The following RCBTB2 variants were observed in gnomAD, a reference collection of about 807,000 sequenced individuals.
RCBTB2 encodes the protein RCC1 and BTB domain-containing protein 2.
A neutral mutation model predicts 65.4 loss-of-function variants in RCBTB2; 55 were observed. That is an observed-to-expected ratio of 0.84 (90% CI 0.68 to 1.05). The LOEUF is 1.05. Ranked by LOEUF, RCBTB2 falls within the 50% of genes least tolerant of loss-of-function variation. The pLI, the probability that RCBTB2 is intolerant of heterozygous loss-of-function variation, is 0.00. For missense variants in RCBTB2, 599 were observed against 680.1 expected (o/e 0.88, Z 1.33); for synonymous variants, 220 against 255.2 (o/e 0.86, Z 1.31).
intron 10 of RCBTB2, among the ~76,000 whole-genome samples, chr13:48,503,516 G>A (rs532848214): frequency 4.6e-5 from 7 of 151,818 alleles, no homozygotes; most frequent in Non-Finnish European, 7.4e-5. Flanking sequence ...CTAAGTTCAC[G>A]ATTGATGAGG....
At chr13:48,532,519 G>A (rs1231965548) in intron 1 of RCBTB2, 1 of 159,868 alleles carries the variant, frequency 6.3e-6, no homozygotes, top group African/African-American at 2.4e-5. Flanking sequence ...TGCAGCGAGT[G>A]GGTTAGGAGG....
intron 10 of RCBTB2, among the ~76,000 whole-genome samples, chr13:48,506,120 C>T (rs1013136276): frequency 5.9e-5 from 9 of 152,118 alleles, no homozygotes; most frequent in Non-Finnish European, 1.3e-4. Flanking sequence ...TGGCCAGAGC[C>T]GTGGAATAAG....
intron 7 of RCBTB2, 127 bp downstream of exon 7, chr13:48,512,602 C>T: frequency 1.2e-6 from 1 of 812,284 alleles, no homozygotes; most frequent in Non-Finnish European, 1.9e-6. Context: ...TGAATTGCTA[C>T]CAAAAATAAG....
In RCBTB2 at chr13:48,515,648, G is replaced by T. The variant is rs144657295; in HGVS notation, c.136C>A (p.Arg46Ser). 1.1e-5 allele frequency: 18 copies of T among 1,613,836 alleles called. No homozygotes were observed. The East Asian group carries it at 4.0e-4, about 36-fold the overall frequency. The change falls in exon 5 of 15, where the codon CGT becomes AGT. Residue 46 changes from arginine to serine, a missense_variant. Coordinates refer to ENST00000344532, the MANE Select transcript of RCBTB2 (RefSeq NM_001268.4). ...GCACTGCCAAAGACACAAGCCTGAC[G>T]AATTAACTGTAGTTCTTCTTCAGAA... ...LCSEEELQLI[R>S]QACVFGSAGN...
intron 10 of RCBTB2, 83 bp from the exon 11 acceptor site, chr13:48,502,997 T>A: frequency 7.4e-7 from 1 of 1,357,266 alleles, no homozygotes; most frequent in South Asian, 1.6e-5. Context: ...GTTTAACTGA[T>A]GTGGGACATC....
At chr13:48,498,391 A>G (rs1203949414) in intron 13 of RCBTB2, among the ~76,000 whole-genome samples, 2 of 152,170 alleles carry the variant, frequency 1.3e-5, no homozygotes, top group Admixed American at 6.5e-5. Context: ...CTCCATTTGG[A>G]GTCTTGGCTA....
rs980881414 is a variant in RCBTB2, at chr13:48,521,832, G to A, written c.42+66C>T. 24 of 1,458,644 alleles carry A rather than the reference G, an allele frequency of 1.6e-5. No individual in the cohort carries two copies. The Admixed American group carries it at 3.9e-4, about 24-fold the overall frequency. The allele number at this position is 1,458,644 out of a possible 1,614,324, so 90.4% of individuals were successfully genotyped here. A position where few individuals can be genotyped will look rare whatever the true frequency, so the allele number is the denominator to read the frequency against. On this transcript the variant is annotated intron_variant, in intron 4 of 14. Coordinates refer to ENST00000344532, the MANE Select transcript of RCBTB2 (RefSeq NM_001268.4). ...TGATTTTCCTATCGGTGACCAATAG[G>A]TGCTTCATGAAGTATGTTTCATGCA...
At chr13:48,502,683 G>A in intron 11 of RCBTB2, 41 bp downstream of exon 11, 1 of 1,560,356 alleles carries the variant, frequency 6.4e-7, no homozygotes, top group Admixed American at 1.8e-5. Flanking sequence ...CTCTTTCCCA[G>A]ATTTTCAGGC....
intron 1 of RCBTB2, among the ~76,000 whole-genome samples, chr13:48,527,361 T>TATATATGATATA: frequency 2.7e-5 from 3 of 112,444 alleles, no homozygotes; most frequent in African/African-American, 1.7e-4. Flanking sequence ...TGATATATAT[T>TATATATGATATA]TATATATGAT....
intron 10 of RCBTB2, among the ~76,000 whole-genome samples, chr13:48,506,516 T>C (rs1950511147): frequency 6.6e-6 from 1 of 151,954 alleles, no homozygotes; most frequent in African/African-American, 2.4e-5. Flanking sequence ...TGGATGTTAA[T>C]GCAGAGGGAG....
intron 4 of RCBTB2, among the ~76,000 whole-genome samples, chr13:48,521,553 T>A (rs148597426): frequency 6.6e-6 from 1 of 152,332 alleles, no homozygotes; most frequent in East Asian, 1.9e-4. Flanking sequence ...AGACAGTTTA[T>A]AATTTTAAAA....
intron 4 of RCBTB2, among the ~76,000 whole-genome samples, chr13:48,518,192 G>A (rs772535128): frequency 1.2e-4 from 19 of 152,064 alleles, no homozygotes; most frequent in Non-Finnish European, 2.4e-4. Context: ...TGTTACAGCA[G>A]CACAAAGAAA....
At chr13:48,510,891 G>A (rs910795211) in intron 9 of RCBTB2, 120 bp from the exon 10 acceptor site, 58 of 989,212 alleles carry the variant, frequency 5.9e-5, no homozygotes, top group African/African-American at 9.8e-5. Context: ...CCGTAGGAGA[G>A]GCAAGCATTA....
At chr13:48,535,768 C>G (rs1358392828), upstream of RCBTB2, 2 of 456,694 alleles carry the variant, frequency 4.4e-6, no homozygotes, top group Admixed American at 4.7e-5. Flanking sequence ...CAGGTGGCCC[C>G]TGTCTCTTGG....
intron 1 of RCBTB2, among the ~76,000 whole-genome samples, chr13:48,526,606 G>A (rs546962144): frequency 2.0e-5 from 3 of 152,200 alleles, no homozygotes; most frequent in Admixed American, 2.0e-4. Context: ...AACAGAGCAA[G>A]ACTCTGTCTC....
chr13:48,489,957 A>G lies in RCBTB2; in HGVS notation c.*154T>C, dbSNP rs1249672724. ...TTCTACATAAACTCTGGGTTTAGGC[A>G]GACAAAGACCACTCACCACCATCCT... On this transcript the variant is annotated 3_prime_UTR_variant, in exon 15 of 15. Transcript: ENST00000344532. The G allele has an allele frequency of 1.1e-5, 9 of 798,960 alleles. No homozygotes were observed. Among genetic ancestry groups the G allele is most frequent in the African/African-American group, 1.8e-5 (1 of 57,064 alleles). 49.5% of individuals were successfully genotyped at this position (798,960 alleles called of 1,614,324 possible).
intron 4 of RCBTB2, among the ~76,000 whole-genome samples, chr13:48,516,770 G>C (rs9331986): frequency 1.3e-5 from 2 of 152,142 alleles, no homozygotes; most frequent in Admixed American, 1.3e-4. Context: ...ACTCCTATAA[G>C]AGGAAGTTAT....
chr13:48,525,231 A>G (rs1433053404), intron 1 of RCBTB2, among the ~76,000 whole-genome samples: 2 of 151,534 alleles, frequency 1.3e-5, no homozygotes, highest in Non-Finnish European at 2.9e-5. Flanking sequence ...AAGGAAAAAT[A>G]TGCCACAGAA....
intron 1 of RCBTB2, among the ~76,000 whole-genome samples, chr13:48,528,990 T>G (rs1951956477): frequency 6.6e-6 from 1 of 152,144 alleles, no homozygotes; most frequent in African/African-American, 2.4e-5. Flanking sequence ...TTTTAAAAAG[T>G]TTTCCAAATT....
Sources: allele counts gnomAD v4.1 joint callset (sites outside exome capture counted in the v4.1 genomes callset), GRCh38; gene constraint gnomAD v4.1.1; transcripts MANE v1.5; gene names NCBI Gene and HGNC (gene_info 2026-07-23, HGNC 2026-07-21).